GPC5: variants seen among roughly 807,000 people sequenced by gnomAD.
GPC5 encodes glypican-5.
GPC5 carries 47 observed loss-of-function variants against 53.9 expected under a neutral mutation model. The observed-to-expected ratio is 0.87, with a 90% confidence interval of 0.69 to 1.11. GPC5 has a LOEUF of 1.11. Ranked by LOEUF, GPC5 falls within the 50% of genes most tolerant of loss-of-function variation. The probability of loss-of-function intolerance (pLI) is 0.00; values close to 1 mark genes in which losing one functional copy is unlikely to be tolerated. For synonymous variants in GPC5, 286 were observed against 263.3 expected (o/e 1.09, Z -0.84); for missense variants, 748 against 713.1 (o/e 1.05, Z -0.56).
chr13:91,837,650 G>A (rs1566295504), intron 5 of GPC5, among the ~76,000 whole-genome samples: 1 of 152,160 alleles, frequency 6.6e-6, no homozygotes, highest in South Asian at 2.1e-4. Context: ...AACTTCTGCT[G>A]TCATTTAACT....
chr13:92,179,682 C>T (rs1413329348), intron 7 of GPC5, among the ~76,000 whole-genome samples: 1 of 152,202 alleles, frequency 6.6e-6, no homozygotes, highest in Non-Finnish European at 1.5e-5. Context: ...ATTGCCGAAT[C>T]TAACATACAA....
At chr13:91,490,464 T>C (rs545973963) in intron 2 of GPC5, among the ~76,000 whole-genome samples, 1 of 152,264 alleles carries the variant, frequency 6.6e-6, no homozygotes, top group East Asian at 1.9e-4. Context: ...GGGTTTTAAG[T>C]TTTTTATTTT....
In GPC5 at chr13:92,444,701, G is replaced by T. The variant is rs148948830; in HGVS notation, c.1561+299712G>T. 2.8e-3 allele frequency among the ~76,000 whole-genome samples: 356 copies of T among 127,414 alleles called. 3 individuals are homozygous for T. Among genetic ancestry groups the T allele is most frequent in the African/African-American group, 0.01 (340 of 33,118 alleles). 83.6% of individuals were successfully genotyped at this position (127,414 alleles called of 152,430 possible). ...ACACAGAGGAAGAAAAGAGAAGAGT[G>T]GATTCCTGAAATCTAAAAAAAAAAA... On this transcript the variant is annotated intron_variant, in intron 7 of 7. Transcript: ENST00000377067.
intron 5 of GPC5, among the ~76,000 whole-genome samples, chr13:91,836,184 T>A (rs988880952): frequency 3.3e-5 from 5 of 152,110 alleles, no homozygotes; most frequent in African/African-American, 4.8e-5. Context: ...AATTAAAAAC[T>A]ATTGAATATT....
At chr13:91,732,264 C>G (rs188067642) in intron 4 of GPC5, among the ~76,000 whole-genome samples, 12 of 152,138 alleles carry the variant, frequency 7.9e-5, no homozygotes, top group African/African-American at 2.7e-4. Flanking sequence ...TGATTTTGAG[C>G]TGTATTTCTC....
chr13:92,675,050 C>T (rs11839168), intron 7 of GPC5, among the ~76,000 whole-genome samples: 26,382 of 151,824 alleles, frequency 0.17, 2,731 homozygotes, highest in East Asian at 0.34. Context: ...TGTATAAAAC[C>T]AGTAAATAAA....
At chr13:91,560,432 G>A (rs1281979378) in intron 2 of GPC5, among the ~76,000 whole-genome samples, 1 of 152,138 alleles carries the variant, frequency 6.6e-6, no homozygotes, top group African/African-American at 2.4e-5. Context: ...TTCCAGGGTA[G>A]TCAAAGCCAA....
At chr13:91,695,613 G>A (rs1421639262) in intron 3 of GPC5, among the ~76,000 whole-genome samples, 1 of 151,992 alleles carries the variant, frequency 6.6e-6, no homozygotes, top group Non-Finnish European at 1.5e-5. Context: ...CTGACCTCGT[G>A]ACCTGCCCGC....
chr13:91,603,621 G>A (rs16946279), intron 2 of GPC5, among the ~76,000 whole-genome samples: 4,434 of 152,262 alleles, frequency 0.029, 70 homozygotes, highest in Middle Eastern at 0.051. Context: ...GATCTAAATC[G>A]TAAACACAGG....
At chr13:92,663,465 G>A (rs1436902256) in intron 7 of GPC5, among the ~76,000 whole-genome samples, 4 of 150,860 alleles carry the variant, frequency 2.7e-5, no homozygotes, top group Non-Finnish European at 5.9e-5. Context: ...CAGGTGGGGC[G>A]CGGTGGCTCA....
At chr13:91,849,374 G>A (rs2038888333) in intron 5 of GPC5, among the ~76,000 whole-genome samples, 1 of 152,162 alleles carries the variant, frequency 6.6e-6, no homozygotes, top group Non-Finnish European at 1.5e-5. Flanking sequence ...TGGAAAGAAG[G>A]ATGAGTGAAT....
chr13:91,445,994 C>T (rs1433139752), intron 1 of GPC5, among the ~76,000 whole-genome samples: 1 of 152,192 alleles, frequency 6.6e-6, no homozygotes, highest in Admixed American at 6.5e-5. Flanking sequence ...TTCTTCTACC[C>T]TGTGCCCTGC....
At chr13:92,534,319 G>C (rs547096414) in intron 7 of GPC5, among the ~76,000 whole-genome samples, 1 of 152,162 alleles carries the variant, frequency 6.6e-6, no homozygotes, top group East Asian at 1.9e-4. Flanking sequence ...TTAAAATATA[G>C]TTGTGTCCTA....
chr13:91,973,419 C>A (rs927757595), intron 6 of GPC5, among the ~76,000 whole-genome samples: 1 of 152,192 alleles, frequency 6.6e-6, no homozygotes, highest in Admixed American at 6.5e-5. Flanking sequence ...TGAATTTCCT[C>A]CTGTAGCTTG....
At chr13:92,501,643 A>G (rs1367608352) in intron 7 of GPC5, among the ~76,000 whole-genome samples, 1 of 152,122 alleles carries the variant, frequency 6.6e-6, no homozygotes, top group Non-Finnish European at 1.5e-5. Flanking sequence ...GCCGAGACAC[A>G]GCATAATCCA....
Position 92,484,201 on chromosome 13 carries a change from CA to C in GPC5, c.1561+339213del, listed in dbSNP as rs140750019. ...CAAGATCATCAGTATCACTGTCTTC[CA>C]CCTCCACATCTTGTACTACTGGAGG... On this transcript the variant is annotated intron_variant, in intron 7 of 7. Transcript: ENST00000377067. Among the ~76,000 whole-genome samples, 73 of 152,178 alleles carry C rather than the reference CA, an allele frequency of 4.8e-4. No homozygotes were observed. In the East Asian group the frequency reaches 0.011, roughly 23 times the overall value.
At chr13:92,564,202 T>C (rs1303220940) in intron 7 of GPC5, among the ~76,000 whole-genome samples, 1 of 151,636 alleles carries the variant, frequency 6.6e-6, no homozygotes, top group Non-Finnish European at 1.5e-5. Context: ...AAATTGTCAC[T>C]TAGTAAGTAA....
intron 7 of GPC5, among the ~76,000 whole-genome samples, chr13:92,230,516 C>A (rs989170795): frequency 2.0e-5 from 3 of 152,090 alleles, no homozygotes; most frequent in African/African-American, 7.2e-5. Context: ...TACTTCTTGA[C>A]AAATTTTAAT....
chr13:92,577,867 T>A (rs1219869345), intron 7 of GPC5, among the ~76,000 whole-genome samples: 3 of 152,284 alleles, frequency 2.0e-5, no homozygotes, highest in Non-Finnish European at 2.9e-5. Context: ...AAAAAAATTT[T>A]AAAAAATAGG....
Sources: gnomAD v4.1 joint callset for allele counts (sites outside exome capture counted in the v4.1 genomes callset) on GRCh38, gnomAD v4.1.1 for gene constraint, MANE v1.5 for transcripts, NCBI Gene and HGNC (gene_info 2026-07-23, HGNC 2026-07-21) for gene names.